PSMG4: variants seen among roughly 807,000 people sequenced by gnomAD.
PSMG4 encodes proteasome assembly chaperone 4.
A neutral mutation model predicts 11.0 loss-of-function variants in PSMG4; 10 were observed. The ratio of observed to expected loss-of-function variants is 0.91; its 90% CI spans 0.56 to 1.54. PSMG4 has a LOEUF of 1.54. Ranked by LOEUF, PSMG4 falls within the 40% of genes most tolerant of loss-of-function variation. The pLI is 0.00. For synonymous variants in PSMG4, 95 were observed against 71.3 expected (o/e 1.33, Z -1.68); for missense variants, 198 against 160.9 (o/e 1.23, Z -1.25).
Position 3,264,223 on chromosome 6 carries a change from A to ACTGGC in PSMG4, c.250+473_250+477dup, listed in dbSNP as rs1221524241. 7 of 1,551,460 alleles carry ACTGGC rather than the reference A, an allele frequency of 4.5e-6. No individual in the cohort carries two copies. In the African/African-American group the frequency reaches 5.5e-5, roughly 12 times the overall value. Reference sequence around the variant, plus strand: ...ATACCGTTCAGGGCTCGGAGGGAAGACTGGCCTGGCCTGTGAGTGTGGCGT... The same window carrying ACTGGC: ...ATACCGTTCAGGGCTCGGAGGGAAGACTGGCCTGGCCTGGCCTGTGAGTGTGGCGT... On this transcript the variant is annotated intron_variant, in intron 2 of 2. Coordinates refer to ENST00000438998, the MANE Select transcript of PSMG4 (RefSeq NM_001128591.2).
upstream of PSMG4, chr6:3,258,819 A>G: frequency 4.8e-6 from 2 of 413,100 alleles, no homozygotes; most frequent in East Asian, 3.6e-5. Context: ...TACTCCGCCC[A>G]GGGCCGGCAG....
At chr6:3,259,275 C>A (rs981593007) in intron 1 of PSMG4, 79 bp downstream of exon 1, 17 of 1,184,350 alleles carry the variant, frequency 1.4e-5, no homozygotes, top group East Asian at 3.3e-5. Flanking sequence ...TGCAGCCCCC[C>A]AGGCTTCTCT....
At chr6:3,264,015 C>T in intron 2 of PSMG4, 1 of 1,341,122 alleles carries the variant, frequency 7.5e-7, no homozygotes, top group South Asian at 1.5e-5. Context: ...GTCCTTGAGT[C>T]CATGAGCTGA....
At chr6:3,258,946 C>T (rs1757854995), upstream of PSMG4, 1 of 1,206,720 alleles carries the variant, frequency 8.3e-7, no homozygotes, top group Non-Finnish European at 1.0e-6. Context: ...TCTCGGTGCT[C>T]GCTCCATCGG....
upstream of PSMG4, among the ~76,000 whole-genome samples, chr6:3,255,469 C>T (rs555960354): frequency 3.2e-4 from 49 of 152,194 alleles, no homozygotes; most frequent in South Asian, 2.7e-3. Flanking sequence ...TTTATCTTCC[C>T]GTCTTTCTCC....
At chr6:3,254,820 G>GGA (rs1224617202), upstream of PSMG4, among the ~76,000 whole-genome samples, 4 of 152,184 alleles carry the variant, frequency 2.6e-5, no homozygotes, top group African/African-American at 9.7e-5. Flanking sequence ...CACCAATTCT[G>GGA]GACACAGTGG....
At chr6:3,259,536 C>G (rs769246965) in intron 1 of PSMG4, among the ~76,000 whole-genome samples, 30 of 152,238 alleles carry the variant, frequency 2.0e-4, no homozygotes, top group Non-Finnish European at 3.8e-4. Context: ...TTTGAGCACA[C>G]TGATAATTTT....
At chr6:3,267,536 C>T in intron 2 of PSMG4, 55 bp from the exon 3 acceptor site, 1 of 1,538,980 alleles carries the variant, frequency 6.5e-7, no homozygotes, top group Non-Finnish European at 8.8e-7. Context: ...CTGTGAGGAA[C>T]ACGGGGCCTG....
chr6:3,267,796 C>T lies in PSMG4; in HGVS notation c.*84C>T, dbSNP rs569500496. On this transcript the variant is annotated 3_prime_UTR_variant, in exon 3 of 3. Coordinates refer to ENST00000438998, the MANE Select transcript of PSMG4 (RefSeq NM_001128591.2). ...ATTGAATTTCAGTTTGTCATCAGGC[C>T]GCGCTCCCGTTTTGTTTTTAAGGGG... The T allele has an allele frequency of 2.8e-5, 39 of 1,388,354 alleles. No individual in the cohort carries two copies. Among genetic ancestry groups the T allele is most frequent in the Middle Eastern group, 1.8e-4 (1 of 5,498 alleles). 86.0% of individuals were successfully genotyped at this position (1,388,354 alleles called of 1,614,324 possible).
chr6:3,259,244 G>A, intron 1 of PSMG4, 48 bp downstream of exon 1: 1 of 1,244,534 alleles, frequency 8.0e-7, no homozygotes, highest in Non-Finnish European at 1.0e-6. Context: ...GGGGGCGCGG[G>A]GGCGCCGGGC....
chr6:3,255,136 A>G (rs1355849125), upstream of PSMG4: 2 of 1,551,052 alleles, frequency 1.3e-6, no homozygotes, highest in South Asian at 1.2e-5. Context: ...CGTATTGGTC[A>G]TTCTCTTTGA....
chr6:3,255,778 CAG>C (rs1378869888), upstream of PSMG4, among the ~76,000 whole-genome samples: 4 of 152,284 alleles, frequency 2.6e-5, no homozygotes, highest in East Asian at 3.9e-4. Flanking sequence ...GTGGAATGTC[CAG>C]AGAGTCCCAA....
At chr6:3,254,613 A>T (rs1757677290), upstream of PSMG4, among the ~76,000 whole-genome samples, 1 of 152,140 alleles carries the variant, frequency 6.6e-6, no homozygotes, top group Non-Finnish European at 1.5e-5. Context: ...CAGTAGGCGT[A>T]GCTTTAAGAG....
upstream of PSMG4, among the ~76,000 whole-genome samples, chr6:3,254,828 T>C (rs1025779868): frequency 6.6e-6 from 1 of 152,198 alleles, no homozygotes; most frequent in Non-Finnish European, 1.5e-5. Flanking sequence ...CTGGACACAG[T>C]GGGACCTTAG....
chr6:3,260,291 A>ATTTTTTT (rs869076629), intron 1 of PSMG4, among the ~76,000 whole-genome samples: 744 of 70,834 alleles, frequency 0.011, 42 homozygotes, highest in Non-Finnish European at 0.016. Flanking sequence ...ATATATATAT[A>ATTTTTTT]TTTTTTTTTT....
chr6:3,264,491 G>C lies in PSMG4; in HGVS notation c.250+732G>C, dbSNP rs1758111542. 5 of 1,308,022 alleles carry C rather than the reference G, an allele frequency of 3.8e-6. No homozygotes were observed. The South Asian group carries it at 7.7e-5, about 20-fold the overall frequency. The allele number at this position is 1,308,022 out of a possible 1,614,324, so 81.0% of individuals were successfully genotyped here. A position where few individuals can be genotyped will look rare whatever the true frequency, so the allele number is the denominator to read the frequency against. ...ACAGGACCTGGTACCTGACAAGCAG[G>C]AACCTCTGTGTCAGTCACACTGAGG... On this transcript the variant is annotated intron_variant, in intron 2 of 2. Coordinates refer to ENST00000438998, the MANE Select transcript of PSMG4 (RefSeq NM_001128591.2).
upstream of PSMG4, among the ~76,000 whole-genome samples, chr6:3,257,138 C>T (rs184704718): frequency 3.8e-4 from 58 of 152,300 alleles, 1 homozygote; most frequent in African/African-American, 1.3e-3. Context: ...TTTGTCACCT[C>T]TATTTTCTGC....
At position 3,267,645 on chromosome 6, in the gene PSMG4, G is replaced by T; in HGVS notation, c.305G>T (p.Ser102Ile). The stretch of plus-strand genomic sequence containing the variant: ...AGCTATAACCTTCAGAACACAGACA[G>T]TAACTTCGCATTACTTGTAGAAAAC... ...FVSYNLQNTD[S>I]NFALLVENRI... is the part of the protein sequence containing the mutation. The change falls in exon 3 of 3, where the codon AGT becomes ATT. Residue 102 changes from serine to isoleucine, a missense_variant. By Grantham distance (142) the Ser-to-Ile change is moderately radical. Transcript: ENST00000438998. 1 of 1,552,160 alleles carries T rather than the reference G, an allele frequency of 6.4e-7. No homozygotes were observed. The highest frequency in any genetic ancestry group is 8.7e-7 in the Non-Finnish European group (1 of 1,147,024).
chr6:3,254,591 A>C (rs752214300), upstream of PSMG4, among the ~76,000 whole-genome samples: 3 of 152,052 alleles, frequency 2.0e-5, no homozygotes, highest in African/African-American at 7.2e-5. Context: ...CAACGATGGA[A>C]GTAAATAATT....
Sources: allele counts gnomAD v4.1 joint callset (sites outside exome capture counted in the v4.1 genomes callset), GRCh38; gene constraint gnomAD v4.1.1; transcripts MANE v1.5; gene names NCBI Gene and HGNC (gene_info 2026-07-23, HGNC 2026-07-21).